PRH1: variants seen among roughly 807,000 people sequenced by gnomAD.
The protein encoded by PRH1 is proline rich protein HaeIII subfamily 1.
Under a neutral mutation model 7.9 loss-of-function variants are expected in PRH1, and 7 were observed. That is an observed-to-expected ratio of 0.89 (90% CI 0.50 to 1.67). The LOEUF (loss-of-function observed/expected upper bound fraction) is 1.67. Ranked by LOEUF, PRH1 falls within the 40% of genes most tolerant of loss-of-function variation. The probability of loss-of-function intolerance (pLI) is 0.00; values close to 1 mark genes in which losing one functional copy is unlikely to be tolerated. For missense variants in PRH1, 109 were observed against 223.6 expected, an observed-to-expected ratio of 0.49 and a Z score of 3.27; for synonymous variants, 45 against 80.8, an observed-to-expected ratio of 0.56 and a Z score of 2.38.
intron 2 of PRH1, chr12:10,930,151 T>C (rs1019386992): frequency 2.5e-6 from 3 of 1,198,230 alleles, no homozygotes; most frequent in African/African-American, 3.0e-5. Flanking sequence ...GAGTGGCTGA[T>C]GAGATCTCAA....
chr12:11,071,354 G>A (rs1449549583), intron 1 of PRH1, among the ~76,000 whole-genome samples: 3 of 152,104 alleles, frequency 2.0e-5, no homozygotes, highest in Admixed American at 6.6e-5. Context: ...GTAGTGCAGG[G>A]GTTCAGTCAG....
intron 1 of PRH1, chr12:10,986,443 A>G: frequency 6.2e-7 from 1 of 1,614,078 alleles, no homozygotes; most frequent in East Asian, 2.2e-5. Flanking sequence ...TGACAAACCA[A>G]AAATATCAAA....
At chr12:11,118,073 A>T (rs1297086350), downstream of PRH1, among the ~76,000 whole-genome samples, 1 of 152,202 alleles carries the variant, frequency 6.6e-6, no homozygotes, top group Non-Finnish European at 1.5e-5. Context: ...TTGGGATCAC[A>T]TCAAGTTAAA....
intron 1 of PRH1, chr12:11,061,595 A>G: frequency 6.2e-7 from 1 of 1,614,100 alleles, no homozygotes; most frequent in East Asian, 2.2e-5. Flanking sequence ...AACAAGAGGA[A>G]GGAGGTCACA....
At chr12:11,168,268 GAAAGAAAGAAAGAAA>G (rs1947663862) in intron 1 of PRH1, among the ~76,000 whole-genome samples, 1 of 33,120 alleles carries the variant, frequency 3.0e-5, no homozygotes, top group African/African-American at 8.4e-5. Flanking sequence ...AAGAAAGAAA[GAAAGAAAGAAAGAAA>G]GAAAGAAAGA....
rs1490601623 is a variant in PRH1, at chr12:10,985,785, C to A, written c.-125-12064G>T. ...ACACATAGATACACTTTTAGACTAA[C>A]TTTAGGTAAAAGACTTTTCTAGGTA... On this transcript the variant is annotated intron_variant, in intron 1 of 3. Coordinates refer to the PRH1 transcript ENST00000539853. The A allele has an allele frequency of 1.2e-5, 8 of 653,088 alleles. No individual in the cohort carries two copies. The East Asian group carries it at 1.9e-4, about 16-fold the overall frequency. 40.5% of individuals were successfully genotyped at this position (653,088 alleles called of 1,614,324 possible). A position where few individuals can be genotyped will look rare whatever the true frequency, so the allele number is the denominator to read the frequency against.
At chr12:10,963,989 G>C (rs1938379616) in intron 2 of PRH1, among the ~76,000 whole-genome samples, 1 of 87,120 alleles carries the variant, frequency 1.1e-5, no homozygotes, top group Non-Finnish European at 2.6e-5. Context: ...TCACGTTTAA[G>C]CACACTATGG....
intron 1 of PRH1, among the ~76,000 whole-genome samples, chr12:11,085,326 TA>T: frequency 6.8e-6 from 1 of 147,894 alleles, no homozygotes; most frequent in East Asian, 1.9e-4. Context: ...TCAAAGAAAA[TA>T]ATATGTTGAA....
intron 1 of PRH1, among the ~76,000 whole-genome samples, chr12:10,883,337 C>A (rs1430703939): frequency 6.6e-6 from 1 of 152,148 alleles, no homozygotes; most frequent in Non-Finnish European, 1.5e-5. Context: ...CTTTTGATTC[C>A]CCAAGCCTTG....
intron 1 of PRH1, among the ~76,000 whole-genome samples, chr12:11,107,679 A>G (rs1266990309): frequency 6.6e-6 from 1 of 152,220 alleles, no homozygotes; most frequent in Non-Finnish European, 1.5e-5. Flanking sequence ...ATTCTATGGT[A>G]CTCGCATTAG....
chr12:11,007,057 A>T (rs1199154957), intron 1 of PRH1, among the ~76,000 whole-genome samples: 1 of 152,154 alleles, frequency 6.6e-6, no homozygotes. Context: ...GGGAAATTTT[A>T]AAACCCAATA....
In PRH1 at chr12:11,135,480, C is replaced by T. The variant is rs558249489; in HGVS notation, n.40-14300G>A. ...CGACCTCCAAGATGCAGAATTTGGC[C>T]CATCTCAAGTCACCAGAGCTATCCA... On this transcript the variant is annotated intron_variant and non_coding_transcript_variant, in intron 1 of 1. Coordinates refer to the PRH1 transcript ENST00000541175. Among the ~76,000 whole-genome samples the T allele has an allele frequency of 7.5e-5, 8 of 107,006 alleles. No individual in the cohort carries two copies. In the South Asian group the frequency reaches 2.0e-3, roughly 27 times the overall value. 70.2% of individuals were successfully genotyped at this position (107,006 alleles called of 152,430 possible).
At chr12:11,018,443 C>A (rs1192955506) in intron 1 of PRH1, among the ~76,000 whole-genome samples, 1 of 152,238 alleles carries the variant, frequency 6.6e-6, no homozygotes, top group African/African-American at 2.4e-5. Flanking sequence ...TTGACTGTCT[C>A]CTGTTCCCAT....
intron 1 of PRH1, among the ~76,000 whole-genome samples, chr12:11,141,642 T>C (rs895061974): frequency 3.3e-5 from 5 of 152,216 alleles, no homozygotes; most frequent in Non-Finnish European, 7.3e-5. Flanking sequence ...ATATTCTCTT[T>C]GGATAGTCTT....
At chr12:11,039,528 T>G (rs1174665705) in intron 1 of PRH1, among the ~76,000 whole-genome samples, 1 of 152,258 alleles carries the variant, frequency 6.6e-6, no homozygotes, top group Non-Finnish European at 1.5e-5. Flanking sequence ...CTGCAATTTT[T>G]TCCTTGTTTA....
chr12:11,019,896 C>T (rs1018413422), intron 1 of PRH1, among the ~76,000 whole-genome samples: 10 of 152,402 alleles, frequency 6.6e-5, no homozygotes, highest in Middle Eastern at 3.4e-3. Flanking sequence ...CCCCGAGCAG[C>T]TGGCACTCAC....
intron 1 of PRH1, among the ~76,000 whole-genome samples, chr12:11,038,657 A>G (rs1196598091): frequency 1.3e-5 from 2 of 152,228 alleles, no homozygotes; most frequent in Admixed American, 6.5e-5. Flanking sequence ...CCATTGTATA[A>G]GTATGCCACA....
intron 2 of PRH1, among the ~76,000 whole-genome samples, chr12:10,950,777 G>A (rs1322265234): frequency 1.3e-5 from 2 of 151,754 alleles, no homozygotes; most frequent in African/African-American, 2.4e-5. Context: ...CATTAAAAAA[G>A]TGTTAAAATA....
intron 1 of PRH1, among the ~76,000 whole-genome samples, chr12:11,140,138 T>G (rs1654691320): frequency 1.3e-5 from 2 of 152,070 alleles, no homozygotes; most frequent in Non-Finnish European, 2.9e-5. Flanking sequence ...CAAATACTCT[T>G]TTCTTATAAG....
Sources: allele counts gnomAD v4.1 joint callset (sites outside exome capture counted in the v4.1 genomes callset), GRCh38; gene constraint gnomAD v4.1.1; transcripts MANE v1.5; gene names NCBI Gene and HGNC (gene_info 2026-07-23, HGNC 2026-07-21).